The following C2CD5 variants were observed in gnomAD, a reference collection of about 807,000 sequenced individuals.
C2CD5 encodes the protein C2 domain-containing protein 5.
In C2CD5, 109 loss-of-function variants were observed where a neutral mutation model predicts 130.3. The observed-to-expected ratio is 0.84, with a 90% CI of 0.72 to 0.98. The LOEUF is 0.98. Ranked by LOEUF, C2CD5 falls within the 50% of genes least tolerant of loss-of-function variation. The pLI is 0.00. For synonymous variants in C2CD5, 454 were observed against 429.2 expected, an observed-to-expected ratio of 1.06 and a Z score of -0.71; for missense variants, 996 against 1,261.8, an observed-to-expected ratio of 0.79 and a Z score of 3.19.
chr12:22,505,366 T>G (rs1284198828), intron 10 of C2CD5, among the ~76,000 whole-genome samples: 8 of 150,244 alleles, frequency 5.3e-5, no homozygotes, highest in Non-Finnish European at 3.0e-5. Context: ...CAAGCAATTC[T>G]CTGCCTCAGC....
intron 22 of C2CD5, among the ~76,000 whole-genome samples, chr12:22,467,858 T>C (rs1942352486): frequency 6.6e-6 from 1 of 152,246 alleles, no homozygotes; most frequent in African/African-American, 2.4e-5. Context: ...GCACCAGTTA[T>C]AATTCCTTTG....
chr12:22,455,331 C>T (rs957729285), intron 25 of C2CD5, among the ~76,000 whole-genome samples: 5 of 152,004 alleles, frequency 3.3e-5, no homozygotes, highest in South Asian at 4.2e-4. Context: ...TGTAAGAAAA[C>T]GACTCAGGCA....
At chr12:22,519,199 T>C in intron 7 of C2CD5, 2 of 1,535,764 alleles carry the variant, frequency 1.3e-6, no homozygotes, top group Non-Finnish European at 1.7e-6. Flanking sequence ...CTGTTGTGAG[T>C]CGAGCGGCAT....
chr12:22,506,421 A>G (rs1463816641), intron 10 of C2CD5, among the ~76,000 whole-genome samples: 7 of 152,220 alleles, frequency 4.6e-5, no homozygotes, highest in Admixed American at 4.6e-4. Context: ...ATAATGGTCA[A>G]TTTATAAAAA....
chr12:22,462,679 A>C (rs1268903755), intron 22 of C2CD5, among the ~76,000 whole-genome samples: 1 of 152,174 alleles, frequency 6.6e-6, no homozygotes. Flanking sequence ...CCATTCTTCT[A>C]AATAACTTGT....
chr12:22,457,841 A>C (rs1485351801), intron 24 of C2CD5, among the ~76,000 whole-genome samples: 1 of 152,150 alleles, frequency 6.6e-6, no homozygotes, highest in African/African-American at 2.4e-5. Context: ...AAGGTTAGAG[A>C]AGTTAAGTAA....
At chr12:22,537,548 T>C (rs1253479913) in intron 2 of C2CD5, among the ~76,000 whole-genome samples, 1 of 152,248 alleles carries the variant, frequency 6.6e-6, no homozygotes, top group Non-Finnish European at 1.5e-5. Context: ...AGCAATTAAA[T>C]GAATGCCTTA....
At chr12:22,530,091 TATATATATATATATATATATAC>T (rs1048468867) in intron 3 of C2CD5, among the ~76,000 whole-genome samples, 4 of 108,464 alleles carry the variant, frequency 3.7e-5, no homozygotes, top group East Asian at 4.9e-4. Flanking sequence ...TATATATATA[TATATATATATATATATATATAC>T]ACACACACAC....
intron 13 of C2CD5, 97 bp from the exon 14 acceptor site, chr12:22,482,840 T>C (rs1309783040): frequency 1.2e-6 from 1 of 841,560 alleles, no homozygotes; most frequent in East Asian, 2.5e-5. Flanking sequence ...AATAAAACAT[T>C]TACTTGTTTC....
At chr12:22,542,248 A>G (rs1952463494) in intron 2 of C2CD5, among the ~76,000 whole-genome samples, 1 of 151,112 alleles carries the variant, frequency 6.6e-6, no homozygotes, top group Admixed American at 6.6e-5. Context: ...TGCTTAAAAA[A>G]CTCCCCTGGC....
intron 1 of C2CD5, 61 bp from the exon 2 acceptor site, chr12:22,544,240 C>T (rs2137412980): frequency 1.5e-6 from 2 of 1,343,292 alleles, no homozygotes; most frequent in Non-Finnish European, 2.1e-6. Context: ...GGGGCGGAGG[C>T]GCGCGGGGTA....
intron 10 of C2CD5, among the ~76,000 whole-genome samples, chr12:22,495,057 T>C (rs962769779): frequency 5.9e-5 from 9 of 152,072 alleles, no homozygotes; most frequent in South Asian, 2.1e-4. Context: ...GTCACAACCA[T>C]AGAAATGTAT....
chr12:22,474,754 C>CA lies in C2CD5; in HGVS notation c.2039dup (p.Leu680PhefsTer4), dbSNP rs1179681780. On this transcript the variant is annotated frameshift_variant, in exon 16 of 27. Coordinates refer to ENST00000446597, the MANE Select transcript of C2CD5 (RefSeq NM_001286176.2). LOFTEE classifies it high-confidence loss of function. ...AATTAGTCCAATGCCACATTACCTC[C>CA]AAAACAAAAGCATCTTTTTTCCCAT... 6.3e-7 allele frequency: 1 copy of CA among 1,595,910 alleles called. No homozygotes were observed.
At chr12:22,466,549 A>G (rs1458820550) in intron 22 of C2CD5, among the ~76,000 whole-genome samples, 1 of 152,078 alleles carries the variant, frequency 6.6e-6, no homozygotes, top group East Asian at 1.9e-4. Flanking sequence ...CAATTACTCC[A>G]TTTTTAAGAC....
At chr12:22,530,573 T>G (rs1454845995) in intron 3 of C2CD5, among the ~76,000 whole-genome samples, 1 of 151,828 alleles carries the variant, frequency 6.6e-6, no homozygotes, top group Non-Finnish European at 1.5e-5. Context: ...TTCTTGGGCC[T>G]CGGCCTCCCA....
At chr12:22,469,577 T>C (rs1942685965) in intron 22 of C2CD5, 132 bp downstream of exon 22, 1 of 502,792 alleles carries the variant, frequency 2.0e-6, no homozygotes, top group East Asian at 3.4e-5. Flanking sequence ...TTTATGAATA[T>C]GAAGAAACAT....
At chr12:22,528,970 TTTTG>T (rs776225419) in intron 3 of C2CD5, among the ~76,000 whole-genome samples, 6 of 152,284 alleles carry the variant, frequency 3.9e-5, no homozygotes, top group Non-Finnish European at 7.4e-5. Flanking sequence ...TGATCTAAGG[TTTTG>T]TTTATTTATA....
intron 26 of C2CD5, among the ~76,000 whole-genome samples, chr12:22,451,779 C>T (rs1455233192): frequency 6.6e-6 from 1 of 151,796 alleles, no homozygotes; most frequent in Non-Finnish European, 1.5e-5. Context: ...AGGGGGGCAA[C>T]AGATGAGTCT....
At chr12:22,522,905 AATTT>A (rs1950395345) in intron 7 of C2CD5, among the ~76,000 whole-genome samples, 1 of 152,190 alleles carries the variant, frequency 6.6e-6, no homozygotes, top group Non-Finnish European at 1.5e-5. Context: ...TATATTACTT[AATTT>A]GTTTCATATT....
Sources: allele counts gnomAD v4.1 joint callset (sites outside exome capture counted in the v4.1 genomes callset), GRCh38; gene constraint gnomAD v4.1.1; transcripts MANE v1.5; gene names NCBI Gene and HGNC (gene_info 2026-07-23, HGNC 2026-07-21).